Variants in IGLL5 observed in about 807,000 individuals in gnomAD.
IGLL5 encodes the protein immunoglobulin lambda like polypeptide 5, also known as immunoglobulin lambda-like polypeptide 5.
A neutral mutation model predicts 20.9 loss-of-function variants in IGLL5; 30 were observed. That is an observed-to-expected ratio of 1.44 (90% CI 1.07 to 1.95). The LOEUF is 1.95. Among genes scored for constraint, IGLL5 ranks in the 30% most tolerant of loss-of-function variants. The probability of loss-of-function intolerance (pLI) is 0.00; values close to 1 mark genes in which losing one functional copy is unlikely to be tolerated. For missense variants in IGLL5, 475 were observed against 270.7 expected, an observed-to-expected ratio of 1.75 and a Z score of -5.30; for synonymous variants, 203 against 117.3, an observed-to-expected ratio of 1.73 and a Z score of -4.72.
intron 1 of IGLL5, among the ~76,000 whole-genome samples, chr22:22,889,533 A>G (rs575906333): frequency 3.3e-5 from 5 of 151,322 alleles, no homozygotes; most frequent in South Asian, 2.1e-4. Flanking sequence ...GAAAACTGGA[A>G]AAAATCCAAA....
rs746935157 is a variant in IGLL5 at position 22,893,759 on chromosome 22, G to A, written c.266G>A (p.Trp89Ter). 2 of 1,608,344 alleles carry A rather than the reference G, an allele frequency of 1.2e-6. No homozygotes were observed. The highest frequency in any genetic ancestry group is 2.7e-5 in the African/African-American group (2 of 74,172). The change falls in exon 2 of 3, where the codon TGG becomes TAG. Residue 89 changes from tryptophan to a stop codon, truncating the protein, a stop_gained. Transcript: ENST00000526893. LOFTEE classifies it high-confidence loss of function. ...CCCAGGTGCTGGCCCCGGGGGTTTT[G>A]GTCTGAGCCTCAGTCACTGTGTTAT... is the stretch of plus-strand genomic sequence containing the variant. ...ADPRCWPRGF[W>*]SEPQSLCYVF... is the part of the protein sequence containing the mutation.
chr22:22,889,107 T>G (rs181799446), intron 1 of IGLL5, among the ~76,000 whole-genome samples: 1 of 151,102 alleles, frequency 6.6e-6, no homozygotes, highest in East Asian at 2.0e-4. Flanking sequence ...ATTTGTGTTT[T>G]TGGAAAAATC....
chr22:22,894,203 C>CTTAT, intron 2 of IGLL5, among the ~76,000 whole-genome samples: 1 of 151,178 alleles, frequency 6.6e-6, no homozygotes, highest in East Asian at 2.0e-4. Context: ...CTGGGAGCTG[C>CTTAT]TGAGTCTCAT....
At chr22:22,888,294 C>T (rs1485078609) in intron 1 of IGLL5, 35 bp downstream of exon 1, 6 of 1,536,714 alleles carry the variant, frequency 3.9e-6, no homozygotes, top group Admixed American at 2.0e-5. Context: ...ATGTGGGGGT[C>T]CTGCAGCAGA....
rs1271363542 is a variant in IGLL5, at chr22:22,888,069, G to A, written c.16G>A (p.Gly6Ser). The A allele has an allele frequency of 1.9e-6, 3 of 1,549,250 alleles. No individual in the cohort carries two copies. Among genetic ancestry groups the A allele is most frequent in the Middle Eastern group, 3.4e-4 (2 of 5,958 alleles). Residue 6 changes from glycine (G) to serine (S), a missense_variant, in exon 1 of 3, where the codon GGC (glycine) becomes AGC (serine). By Grantham distance (56) the Gly-to-Ser change is moderately conservative (BLOSUM62 0). Transcript: ENST00000526893. ...CTGAAGGCCAATGAGACCCAAGACA[G>A]GCCAAGTGGGTTGTGAGACCCCTGA... MRPKT[G>S]QVGCETPEEL... is the part of the protein sequence containing the mutation.
rs1038029657 is a variant in IGLL5, at chr22:22,896,021, C to A, written c.*327C>A. The A allele has an allele frequency of 1.4e-5, 7 of 509,740 alleles. No homozygotes were observed. The East Asian group carries it at 2.2e-4, about 16-fold the overall frequency. The allele number at this position is 509,740 out of a possible 1,614,324, so 31.6% of individuals were successfully genotyped here. On this transcript the variant is annotated 3_prime_UTR_variant, in exon 3 of 3. Coordinates refer to ENST00000526893, the MANE Select transcript of IGLL5 (RefSeq NM_001178126.2). ...ACCCCTTCTCCAACTCTCCACTGTACCCCTGAGCTACCAGTCTGGCATCAG... is the reference window on the plus strand; with the variant it reads ...ACCCCTTCTCCAACTCTCCACTGTAACCCTGAGCTACCAGTCTGGCATCAG...
intron 1 of IGLL5, among the ~76,000 whole-genome samples, chr22:22,891,962 T>A (rs1028214214): frequency 3.3e-5 from 5 of 151,076 alleles, no homozygotes; most frequent in Non-Finnish European, 7.4e-5. Flanking sequence ...CCAAGAACAA[T>A]TTTCTCTCTT....
At chr22:22,894,474 A>G (rs562419977) in intron 2 of IGLL5, among the ~76,000 whole-genome samples, 3 of 151,234 alleles carry the variant, frequency 2.0e-5, no homozygotes, top group South Asian at 2.1e-4. Context: ...CAGAAAGGAG[A>G]CAGTCTCTTA....
intron 1 of IGLL5, among the ~76,000 whole-genome samples, chr22:22,889,276 A>G (rs2067703221): frequency 2.0e-5 from 3 of 151,074 alleles, no homozygotes; most frequent in East Asian, 4.1e-4. Flanking sequence ...TTCCTATGAA[A>G]TGGGAGCATG....
At chr22:22,889,603 G>A (rs1322404367) in intron 1 of IGLL5, among the ~76,000 whole-genome samples, 1 of 151,100 alleles carries the variant, frequency 6.6e-6, no homozygotes, top group Non-Finnish European at 1.5e-5. Context: ...TGTTGTTTTT[G>A]TTTTGAAACA....
intron 2 of IGLL5, among the ~76,000 whole-genome samples, chr22:22,894,511 C>A (rs184526385): frequency 6.6e-6 from 1 of 151,476 alleles, no homozygotes; most frequent in Non-Finnish European, 1.5e-5. Flanking sequence ...GTCCCTGGAG[C>A]CCCGTCACCT....
intron 1 of IGLL5, among the ~76,000 whole-genome samples, 154 bp downstream of exon 1, chr22:22,888,413 T>G (rs141248354): frequency 6.6e-6 from 1 of 151,448 alleles, no homozygotes; most frequent in African/African-American, 2.4e-5. Context: ...TGATATTTTG[T>G]CCATCACAGA....
At chr22:22,889,107 T>C (rs181799446) in intron 1 of IGLL5, among the ~76,000 whole-genome samples, 10 of 151,098 alleles carry the variant, frequency 6.6e-5, no homozygotes, top group South Asian at 4.2e-4. Flanking sequence ...ATTTGTGTTT[T>C]TGGAAAAATC....
At position 22,888,144 on chromosome 22, in the gene IGLL5, C is replaced by CTGGCCATGGTCGCCCA. The variant is rs774426852; in HGVS notation, c.97_112dup (p.Leu38HisfsTer59). 6.5e-7 allele frequency: 1 copy of CTGGCCATGGTCGCCCA among 1,549,732 alleles called. No homozygotes were observed. ...GCGCTGGCCCCTGCTGCTGCTGGGT[C>CTGGCCATGGTCGCCCA]TGGCCATGGTCGCCCATGGCCTGCT... is the stretch of plus-strand genomic sequence containing the variant. On this transcript the variant is annotated frameshift_variant, in exon 1 of 3. Coordinates refer to ENST00000526893, the MANE Select transcript of IGLL5 (RefSeq NM_001178126.2). LOFTEE classifies it high-confidence loss of function.
chr22:22,895,122 T>C (rs1301485455), intron 2 of IGLL5, among the ~76,000 whole-genome samples: 1 of 150,808 alleles, frequency 6.6e-6, no homozygotes, highest in African/African-American at 2.4e-5. Flanking sequence ...TATGGAGAAA[T>C]TGAGGCTGTA....
Position 22,893,791 on chromosome 22 carries a change from G to A in IGLL5, c.298G>A (p.Gly100Arg), listed in dbSNP as rs766850194. 24 of 1,611,946 alleles carry A rather than the reference G, an allele frequency of 1.5e-5. No homozygotes were observed. Among genetic ancestry groups the A allele is most frequent in the East Asian group, 4.5e-5 (2 of 44,660 alleles). ...GCCTCAGTCACTGTGTTATGTCTTCGGAACTGGGACCAAGGTCACCGTCCT... is the reference window on the plus strand; with the variant it reads ...GCCTCAGTCACTGTGTTATGTCTTCAGAACTGGGACCAAGGTCACCGTCCT... ...SEPQSLCYVF[G>R]TGTKVTVLGQ... The change falls in exon 2 of 3, where the codon GGA (glycine) becomes AGA (arginine). Residue 100 changes from glycine (G) to arginine (R), a missense_variant. Physicochemically the swap from Gly to Arg is moderately radical, Grantham distance 125 (BLOSUM62 -2). Coordinates refer to ENST00000526893, the MANE Select transcript of IGLL5 (RefSeq NM_001178126.2).
Position 22,895,988 on chromosome 22 carries a change from TC to T in IGLL5, c.*297del, listed in dbSNP as rs2066758867. ...TCATCTCCCCAGAGGGTCCTTCCTCTCCCAGTCACCCCTTCTCCAACTCTCC... is the reference window on the plus strand; with the variant it reads ...TCATCTCCCCAGAGGGTCCTTCCTCTCCAGTCACCCCTTCTCCAACTCTCC... On this transcript the variant is annotated 3_prime_UTR_variant, in exon 3 of 3. Coordinates refer to ENST00000526893, the MANE Select transcript of IGLL5 (RefSeq NM_001178126.2). 9.1e-6 allele frequency: 5 copies of T among 549,462 alleles called. No individual in the cohort carries two copies. The highest frequency in any genetic ancestry group is 6.3e-5 in the Admixed American group (2 of 31,916). 34.0% of individuals were successfully genotyped at this position (549,462 alleles called of 1,614,324 possible). A position where few individuals can be genotyped will look rare whatever the true frequency, so the allele number is the denominator to read the frequency against.
intron 1 of IGLL5, among the ~76,000 whole-genome samples, chr22:22,891,905 G>A (rs1421333316): frequency 6.7e-6 from 1 of 149,034 alleles, no homozygotes; most frequent in Non-Finnish European, 1.5e-5. Flanking sequence ...CTGATTCTCC[G>A]TGTGTGTGTG....
At chr22:22,889,095 A>G (rs1026544320) in intron 1 of IGLL5, among the ~76,000 whole-genome samples, 3 of 151,270 alleles carry the variant, frequency 2.0e-5, no homozygotes, top group Non-Finnish European at 2.9e-5. Flanking sequence ...TATCAGAGTC[A>G]GATTTGTGTT....
Sources: gnomAD v4.1 joint callset for allele counts (sites outside exome capture counted in the v4.1 genomes callset) on GRCh38, gnomAD v4.1.1 for gene constraint, MANE v1.5 for transcripts, NCBI Gene and HGNC (gene_info 2026-07-23, HGNC 2026-07-21) for gene names.